Variants in RANBP10 observed in about 807,000 individuals in gnomAD.
RANBP10 encodes ran-binding protein 10.
A neutral mutation model predicts 72.8 loss-of-function variants in RANBP10; 24 were observed. The ratio of observed to expected loss-of-function variants is 0.33; its 90% CI spans 0.24 to 0.46. The LOEUF (loss-of-function observed/expected upper bound fraction) is 0.46. Among genes scored for constraint, RANBP10 ranks in the 20% least tolerant of loss-of-function variants. The probability of loss-of-function intolerance (pLI) is 1.00; values close to 1 mark genes in which losing one functional copy is unlikely to be tolerated. For missense variants in RANBP10, 679 were observed against 817.5 expected (o/e 0.83, Z 2.07); for synonymous variants, 310 against 322.3 (o/e 0.96, Z 0.41).
chr16:67,740,358 C>A (rs149894985), intron 4 of RANBP10, among the ~76,000 whole-genome samples: 1 of 152,032 alleles, frequency 6.6e-6, no homozygotes, highest in African/African-American at 2.4e-5. Context: ...CCTGTCTCAG[C>A]CTCCCAAAGT....
chr16:67,749,608 C>A (rs1216921711), intron 3 of RANBP10, among the ~76,000 whole-genome samples: 1 of 152,206 alleles, frequency 6.6e-6, no homozygotes, highest in Non-Finnish European at 1.5e-5. Flanking sequence ...CCAGGCCCAG[C>A]AGTGGGAGAG....
At chr16:67,764,481 T>C (rs1295190659) in intron 3 of RANBP10, among the ~76,000 whole-genome samples, 2 of 152,084 alleles carry the variant, frequency 1.3e-5, no homozygotes, top group African/African-American at 2.4e-5. Flanking sequence ...AAAATGGCCA[T>C]TGCCAGGCCA....
At chr16:67,778,136 G>T (rs112894876) in intron 2 of RANBP10, among the ~76,000 whole-genome samples, 196 of 152,176 alleles carry the variant, frequency 1.3e-3, no homozygotes, top group Non-Finnish European at 2.3e-3. Flanking sequence ...GATCACCTGA[G>T]GTCGGGAGTT....
At chr16:67,778,280 C>T (rs145991683) in intron 2 of RANBP10, among the ~76,000 whole-genome samples, 306 of 151,896 alleles carry the variant, frequency 2.0e-3, no homozygotes, top group African/African-American at 6.9e-3. Flanking sequence ...ACCCAGGAGG[C>T]GGAGGTTGCA....
At chr16:67,762,081 C>A (rs985996035) in intron 3 of RANBP10, among the ~76,000 whole-genome samples, 1 of 151,888 alleles carries the variant, frequency 6.6e-6, no homozygotes, top group African/African-American at 2.4e-5. Context: ...CATAGCAAGA[C>A]CCCATCTCTA....
rs1168079132 is a variant in RANBP10 at position 67,784,733 on chromosome 16, C to T, written c.348-12647G>A. ...ACTCGGGAGGCTGAGGCAGGAAAATCGCTTGAACCCGGGAGGCGGAGGTTG... is the reference window on the plus strand; with the variant it reads ...ACTCGGGAGGCTGAGGCAGGAAAATTGCTTGAACCCGGGAGGCGGAGGTTG... On this transcript the variant is annotated intron_variant, in intron 2 of 13. Coordinates refer to ENST00000317506, the MANE Select transcript of RANBP10 (RefSeq NM_020850.3). 4.6e-5 allele frequency among the ~76,000 whole-genome samples: 7 copies of T among 151,640 alleles called. No homozygotes were observed. In the East Asian group the frequency reaches 5.8e-4, roughly 13 times the overall value.
intron 6 of RANBP10, 111 bp from the exon 7 acceptor site, chr16:67,731,695 G>T: frequency 1.4e-6 from 1 of 717,040 alleles, no homozygotes; most frequent in Non-Finnish European, 2.3e-6. Context: ...AACACGTCCT[G>T]GAGGTGTAAC....
rs919853721 is a variant in RANBP10, at chr16:67,730,650, C to G, written c.890-604G>C. Among the ~76,000 whole-genome samples the G allele has an allele frequency of 1.3e-5, 2 of 152,194 alleles. No homozygotes were observed. The highest frequency in any genetic ancestry group is 2.9e-5 in the Non-Finnish European group (2 of 68,028). On this transcript the variant is annotated intron_variant, in intron 7 of 13. Coordinates refer to ENST00000317506, the MANE Select transcript of RANBP10 (RefSeq NM_020850.3). The surrounding 1 kb of genome is among the most constrained non-coding windows in gnomAD (Gnocchi z 4.3). Reference sequence around the variant, plus strand: ...TCTTGCCGTGGGGCCTGGTGCATCTCGCTGGGAGCAACTTCAGAGTCTGAG... The same window carrying G: ...TCTTGCCGTGGGGCCTGGTGCATCTGGCTGGGAGCAACTTCAGAGTCTGAG...
At chr16:67,780,567 A>T (rs1386088239) in intron 2 of RANBP10, among the ~76,000 whole-genome samples, 1 of 152,116 alleles carries the variant, frequency 6.6e-6, no homozygotes, top group Non-Finnish European at 1.5e-5. Flanking sequence ...AGACAACATA[A>T]CAAGACCACC....
chr16:67,780,019 G>A (rs765816045), intron 2 of RANBP10, among the ~76,000 whole-genome samples: 1 of 152,060 alleles, frequency 6.6e-6, no homozygotes, highest in Non-Finnish European at 1.5e-5. Context: ...GGATCACGAG[G>A]TCAAGAGATC....
intron 1 of RANBP10, 24 bp downstream of exon 1, chr16:67,806,277 TC>T: frequency 1.9e-6 from 3 of 1,584,308 alleles, no homozygotes; most frequent in East Asian, 2.3e-5. Flanking sequence ...TAGCCTTAAT[TC>T]CCCCCAGCCT....
At chr16:67,793,873 TTTTA>T (rs977525647) in intron 2 of RANBP10, among the ~76,000 whole-genome samples, 7 of 152,030 alleles carry the variant, frequency 4.6e-5, no homozygotes, top group Admixed American at 1.3e-4. Flanking sequence ...TTATTTTTTA[TTTTA>T]TTTATTTATT....
rs1479754761 is a variant in RANBP10 at position 67,724,777 on chromosome 16, C to T, written c.*1651G>A. ...TATCTCAGGCCACACCAACCATTCCCATGTCCACCAATATGGAGCAGGAGC... is the reference window on the plus strand; with the variant it reads ...TATCTCAGGCCACACCAACCATTCCTATGTCCACCAATATGGAGCAGGAGC... On this transcript the variant is annotated 3_prime_UTR_variant, in exon 14 of 14. Coordinates refer to ENST00000317506, the MANE Select transcript of RANBP10 (RefSeq NM_020850.3). The T allele has an allele frequency of 2.0e-5, 3 of 152,270 alleles. No homozygotes were observed. The highest frequency in any genetic ancestry group is 3.8e-4 in the East Asian group (2 of 5,200). 9.4% of individuals were successfully genotyped at this position (152,270 alleles called of 1,614,324 possible).
chr16:67,771,290 T>C (rs1381513768), intron 3 of RANBP10, among the ~76,000 whole-genome samples: 1 of 151,780 alleles, frequency 6.6e-6, no homozygotes, highest in Non-Finnish European at 1.5e-5. Context: ...AGAAAAGAAA[T>C]TGCTTCAATC....
At chr16:67,747,491 A>G (rs919482982) in intron 3 of RANBP10, among the ~76,000 whole-genome samples, 16 of 151,952 alleles carry the variant, frequency 1.1e-4, no homozygotes, top group African/African-American at 3.9e-4. Context: ...GTTTATCATC[A>G]TTTTTGTTTG....
chr16:67,792,968 A>G (rs980782182), intron 2 of RANBP10, among the ~76,000 whole-genome samples: 32 of 152,128 alleles, frequency 2.1e-4, no homozygotes, highest in Non-Finnish European at 4.4e-4. Flanking sequence ...GGCCCTAGGC[A>G]GGTTACACAT....
At chr16:67,775,789 C>T (rs2054693091) in intron 2 of RANBP10, among the ~76,000 whole-genome samples, 1 of 88,960 alleles carries the variant, frequency 1.1e-5, no homozygotes, top group African/African-American at 6.2e-5. Flanking sequence ...GAGACTCCGT[C>T]TAAAAAAAAA....
At chr16:67,741,332 G>A (rs902901334) in intron 4 of RANBP10, among the ~76,000 whole-genome samples, 29 of 152,278 alleles carry the variant, frequency 1.9e-4, no homozygotes, top group African/African-American at 7.0e-4. Context: ...CCAGGAGAAT[G>A]AGGAAAGACG....
chr16:67,797,641 C>T (rs1415124831), intron 2 of RANBP10, among the ~76,000 whole-genome samples: 1 of 152,106 alleles, frequency 6.6e-6, no homozygotes, highest in Admixed American at 6.6e-5. Context: ...AAAACCTCGT[C>T]TCTACTAAAA....
Sources: gnomAD v4.1 joint callset for allele counts (sites outside exome capture counted in the v4.1 genomes callset) on GRCh38, gnomAD v4.1.1 for gene constraint, Gnocchi (gnomAD v3.1) non-coding constraint, MANE v1.5 for transcripts, NCBI Gene and HGNC (gene_info 2026-07-23, HGNC 2026-07-21) for gene names.